BAZ1A: variants seen among roughly 807,000 people sequenced by gnomAD.
BAZ1A encodes the protein bromodomain adjacent to zinc finger domain protein 1A.
Under a neutral mutation model 185.2 loss-of-function variants are expected in BAZ1A, and 50 were observed. The observed-to-expected ratio is 0.27, with a 90% CI of 0.22 to 0.34. BAZ1A has a LOEUF of 0.34. BAZ1A is among the 10% of genes least tolerant of loss of function. BAZ1A has a pLI of 1.00. For missense variants in BAZ1A, 1,356 were observed against 1,839.9 expected (o/e 0.74, Z 4.81); for synonymous variants, 571 against 615.6 (o/e 0.93, Z 1.07).
chr14:34,862,783 A>AT (rs1296834758), intron 2 of BAZ1A, among the ~76,000 whole-genome samples: 58 of 104,926 alleles, frequency 5.5e-4, no homozygotes, highest in African/African-American at 1.7e-3. Flanking sequence ...CATTTGTGTT[A>AT]TAAAAAAAAA....
intron 18 of BAZ1A, among the ~76,000 whole-genome samples, chr14:34,775,175 G>C (rs1222122951): frequency 6.6e-6 from 1 of 151,620 alleles, no homozygotes; most frequent in African/African-American, 2.4e-5. Context: ...CAACAGCCTG[G>C]GCAACAAAAG....
intron 9 of BAZ1A, among the ~76,000 whole-genome samples, chr14:34,799,283 A>G (rs544126904): frequency 3.5e-4 from 53 of 151,880 alleles, no homozygotes; most frequent in African/African-American, 1.3e-3. Context: ...TACCTAATGT[A>G]AATGATGAGT....
At chr14:34,756,898 C>T (rs1384729639) in intron 25 of BAZ1A, among the ~76,000 whole-genome samples, 1 of 152,150 alleles carries the variant, frequency 6.6e-6, no homozygotes, top group East Asian at 1.9e-4. Context: ...CTCTGGGGCT[C>T]AGGAATCAAT....
At chr14:34,793,049 T>C in intron 11 of BAZ1A, 128 bp from the exon 12 acceptor site, 1 of 801,154 alleles carries the variant, frequency 1.2e-6, no homozygotes, top group Non-Finnish European at 1.9e-6. Context: ...TTTATGAAAG[T>C]ATAACCAAGT....
intron 12 of BAZ1A, among the ~76,000 whole-genome samples, 156 bp downstream of exon 12, chr14:34,792,619 T>C (rs993422312): frequency 1.3e-5 from 2 of 152,220 alleles, no homozygotes; most frequent in Admixed American, 6.5e-5. Flanking sequence ...TTTTGTAACA[T>C]AATCCATTTG....
intron 4 of BAZ1A, among the ~76,000 whole-genome samples, chr14:34,823,154 G>A (rs1470166268): frequency 2.0e-5 from 3 of 152,118 alleles, no homozygotes; most frequent in Admixed American, 1.3e-4. Context: ...AGGAGTTCAA[G>A]ACCTGCCTGG....
At chr14:34,808,844 G>A (rs573129228) in intron 5 of BAZ1A, among the ~76,000 whole-genome samples, 2 of 152,188 alleles carry the variant, frequency 1.3e-5, no homozygotes, top group South Asian at 4.2e-4. Flanking sequence ...TTTTAATTGA[G>A]TTCAATATAT....
chr14:34,851,398 A>G (rs1045818330), intron 3 of BAZ1A, among the ~76,000 whole-genome samples: 5 of 151,432 alleles, frequency 3.3e-5, no homozygotes, highest in African/African-American at 1.2e-4. Context: ...CTTTAATTTT[A>G]AAAATTACCA....
chr14:34,820,294 T>C (rs55765924), intron 4 of BAZ1A, among the ~76,000 whole-genome samples: 2,751 of 151,944 alleles, frequency 0.018, 36 homozygotes, highest in Middle Eastern at 0.048. Flanking sequence ...CCCGGCTGAT[T>C]TTTTTGTGTG....
intron 4 of BAZ1A, among the ~76,000 whole-genome samples, chr14:34,812,511 A>G (rs2041944414): frequency 6.6e-6 from 1 of 152,178 alleles, no homozygotes; most frequent in South Asian, 2.1e-4. Flanking sequence ...CTATGTGGAA[A>G]AGACACTCTG....
chr14:34,795,892 C>G (rs1322062178), intron 9 of BAZ1A, 127 bp from the exon 10 acceptor site: 1 of 665,328 alleles, frequency 1.5e-6, no homozygotes, highest in Non-Finnish European at 2.5e-6. Flanking sequence ...AGCAGTAACT[C>G]TGAGGTTAGG....
intron 26 of BAZ1A, 107 bp downstream of exon 26, chr14:34,754,720 G>T: frequency 1.5e-6 from 1 of 680,670 alleles, no homozygotes. Context: ...CATCCTTTTA[G>T]TAACAGAAAA....
In BAZ1A at chr14:34,826,073, T is replaced by C. The variant is rs1333657789; in HGVS notation, c.476A>G (p.Glu159Gly). Residue 159 changes from glutamate (E) to glycine (G), a missense_variant, in exon 4 of 27, where the codon GAA (glutamate) becomes GGA (glycine). Glu to Gly is a moderately conservative substitution (Grantham distance 98). This residue lies in a region of BAZ1A where 332 missense variants were observed against 395.3 expected (regional missense o/e 0.84). Transcript: ENST00000360310. ...ATCACTATCACTGATGATAATAGTT[T>C]CTCCATCCACACTGTTAACATGTCC... ...ANGHVNSVDGETIIISDSDDS... is the reference protein window; with the variant it reads ...ANGHVNSVDGGTIIISDSDDS... 5.0e-6 allele frequency: 8 copies of C among 1,610,574 alleles called. No individual in the cohort carries two copies. The highest frequency in any genetic ancestry group is 6.8e-6 in the Non-Finnish European group (8 of 1,178,116).
chr14:34,862,949 C>T lies in BAZ1A; in HGVS notation c.114-627G>A, dbSNP rs556917958. ...TCTATTCTGCTGGAATTCCTTAATA[C>T]GCGCATTTACCTATTTTCAAAAACT... On this transcript the variant is annotated intron_variant, in intron 2 of 26. Coordinates refer to ENST00000360310, the MANE Select transcript of BAZ1A (RefSeq NM_013448.3). Among the ~76,000 whole-genome samples, 36 of 150,400 alleles carry T rather than the reference C, an allele frequency of 2.4e-4. No individual in the cohort carries two copies. The South Asian group carries it at 7.3e-3, about 31-fold the overall frequency.
intron 6 of BAZ1A, among the ~76,000 whole-genome samples, chr14:34,806,827 C>A (rs1372453974): frequency 6.6e-6 from 1 of 151,770 alleles, no homozygotes; most frequent in Non-Finnish European, 1.5e-5. Context: ...CAGCTCACAG[C>A]AGCCTTGACC....
intron 3 of BAZ1A, among the ~76,000 whole-genome samples, chr14:34,845,091 TTG>T (rs2042487670): frequency 6.6e-6 from 1 of 152,120 alleles, no homozygotes; most frequent in South Asian, 2.1e-4. Context: ...ATTTGAACCT[TTG>T]TGTTTTTAAA....
chr14:34,825,660 GGGTGC>G (rs1254362197), intron 4 of BAZ1A, among the ~76,000 whole-genome samples: 1 of 151,856 alleles, frequency 6.6e-6, no homozygotes, highest in East Asian at 1.9e-4. Flanking sequence ...TATTTCAGCT[GGGTGC>G]GGTGGCTCAT....
At chr14:34,759,187 T>TTTTTTTTTTG (rs1886413201) in intron 24 of BAZ1A, among the ~76,000 whole-genome samples, 3 of 137,084 alleles carry the variant, frequency 2.2e-5, no homozygotes, top group African/African-American at 5.5e-5. Flanking sequence ...TTTTTTTTTT[T>TTTTTTTTTTG]TTTTTTTTTT....
chr14:34,771,505 A>G lies in BAZ1A; in HGVS notation c.3301+6T>C, dbSNP rs1468329562. On this transcript the variant is annotated splice_donor_region_variant and intron_variant, in intron 21 of 26. Transcript: ENST00000360310. ...CTAATATTTTGAAATAAAAACAGATACTTACCAAGTGGAGCTTTCAGAAAA... is the reference window on the plus strand; with the variant it reads ...CTAATATTTTGAAATAAAAACAGATGCTTACCAAGTGGAGCTTTCAGAAAA... The G allele has an allele frequency of 2.5e-6, 4 of 1,602,728 alleles. No homozygotes were observed. The highest frequency in any genetic ancestry group is 3.4e-6 in the Non-Finnish European group (4 of 1,176,748).
Sources: gnomAD v4.1 joint callset for allele counts (sites outside exome capture counted in the v4.1 genomes callset) on GRCh38, gnomAD v4.1.1 for gene constraint, gnomAD v4.1.1 regional missense constraint, MANE v1.5 for transcripts, NCBI Gene and HGNC (gene_info 2026-07-23, HGNC 2026-07-21) for gene names.